OR2T4: variants seen among roughly 807,000 people sequenced by gnomAD.
The protein encoded by OR2T4 is olfactory receptor 2T4.
For synonymous variants in OR2T4, 149 were observed against 145.6 expected, an observed-to-expected ratio of 1.02 and a Z score of -0.17; for missense variants, 374 against 395.6, an observed-to-expected ratio of 0.95 and a Z score of 0.46.
rs368488217 is a variant in OR2T4, at chr1:248,362,601, C to T, written c.937C>T (p.Pro313Ser). Residue 313 changes from proline (P) to serine (S), a missense_variant, in exon 1 of 1, where the codon CCT becomes TCT. Coordinates refer to ENST00000366473, the MANE Select transcript of OR2T4 (RefSeq NM_001004696.2). ...TCTGAAGAAAATGTTAACAGTGGAA[C>T]CTGCCTTTCAAAAAGCTATGGAGTA... is the stretch of plus-strand genomic sequence containing the variant. The part of the protein sequence containing the change: ...GALKKMLTVE[P>S]AFQKAME 2.5e-6 allele frequency: 4 copies of T among 1,614,060 alleles called. No homozygotes were observed. Among genetic ancestry groups the T allele is most frequent in the Non-Finnish European group, 3.4e-6 (4 of 1,179,962 alleles).
At position 248,361,740 on chromosome 1, in the gene OR2T4, A is replaced by C; in HGVS notation, c.76A>C (p.Lys26Gln). Residue 26 changes from lysine to glutamine, a missense_variant, in exon 1 of 1, where the codon AAA (lysine) becomes CAA (glutamine). Lys to Gln is a moderately conservative substitution (Grantham distance 53). Coordinates refer to ENST00000366473, the MANE Select transcript of OR2T4 (RefSeq NM_001004696.2). Reference sequence around the variant, plus strand: ...CCTGTTGGGACTCTTCAGACAATCCAAACATCCAGCACTACTTTGTGTGGT... The same window carrying C: ...CCTGTTGGGACTCTTCAGACAATCCCAACATCCAGCACTACTTTGTGTGGT... ...FILLGLFRQS[K>Q]HPALLCVVIF... 8 of 1,597,162 alleles carry C rather than the reference A, an allele frequency of 5.0e-6. 1 individual carries two copies. The highest frequency in any genetic ancestry group is 6.8e-6 in the Non-Finnish European group (8 of 1,168,594).
Position 248,361,916 on chromosome 1 carries a change from G to C in OR2T4, c.252G>C (p.Lys84Asn). ...CGTACATTTCTGTCACTGTGCCCAAGATGCTCCTGGACCAGGTCATGGGTG... is the reference window on the plus strand; with the variant it reads ...CGTACATTTCTGTCACTGTGCCCAACATGCTCCTGGACCAGGTCATGGGTG... Reference protein sequence around the residue: ...DMAYISVTVPKMLLDQVMGVN... With the variant: ...DMAYISVTVPNMLLDQVMGVN... Residue 84 changes from lysine to asparagine, a missense_variant, in exon 1 of 1, where the codon AAG becomes AAC. By Grantham distance (94) the Lys-to-Asn change is moderately conservative. Coordinates refer to ENST00000366473, the MANE Select transcript of OR2T4 (RefSeq NM_001004696.2). 1.2e-6 allele frequency: 2 copies of C among 1,614,130 alleles called. No individual in the cohort carries two copies. The highest frequency in any genetic ancestry group is 1.7e-6 in the Non-Finnish European group (2 of 1,180,016).
At position 248,361,740 on chromosome 1, in the gene OR2T4, A is replaced by G; in HGVS notation, c.76A>G (p.Lys26Glu). ...CCTGTTGGGACTCTTCAGACAATCC[A>G]AACATCCAGCACTACTTTGTGTGGT... ...FILLGLFRQS[K>E]HPALLCVVIF... Residue 26 changes from lysine to glutamate, a missense_variant, in exon 1 of 1, where the codon AAA becomes GAA. By Grantham distance (56) the Lys-to-Glu change is moderately conservative. Coordinates refer to ENST00000366473, the MANE Select transcript of OR2T4 (RefSeq NM_001004696.2). The G allele has an allele frequency of 6.3e-7, 1 of 1,597,162 alleles. No homozygotes were observed. Among genetic ancestry groups the G allele is most frequent in the Non-Finnish European group, 8.6e-7 (1 of 1,168,594 alleles).
rs112941181 is a variant in OR2T4 at position 248,362,224 on chromosome 1, C to G, written c.560C>G (p.Ala187Gly). The G allele has an allele frequency of 1.2e-5, 20 of 1,614,080 alleles. No individual in the cohort carries two copies. Among genetic ancestry groups the G allele is most frequent in the African/African-American group, 5.3e-5 (4 of 74,922 alleles). The change falls in exon 1 of 1, where the codon GCT becomes GGT. Residue 187 changes from alanine (A) to glycine (G), a missense_variant. Physicochemically the swap from Ala to Gly is moderately conservative, Grantham distance 60. Coordinates refer to ENST00000366473, the MANE Select transcript of OR2T4 (RefSeq NM_001004696.2). Reference sequence around the variant, plus strand: ...CATCATTTCTTCTGTGAAGTTCCTGCTGTATTGAATCTCTCCTGCTCAGAC... The same window carrying G: ...CATCATTTCTTCTGTGAAGTTCCTGGTGTATTGAATCTCTCCTGCTCAGAC... ...EIHHFFCEVP[A>G]VLNLSCSDTS...
In OR2T4 at chr1:248,362,329, A is replaced by G. The variant is rs778086833; in HGVS notation, c.665A>G (p.Tyr222Cys). The change falls in exon 1 of 1, where the codon TAT becomes TGT. Residue 222 changes from tyrosine to cysteine, a missense_variant. Physicochemically the swap from Tyr to Cys is radical, Grantham distance 194. Coordinates refer to ENST00000366473, the MANE Select transcript of OR2T4 (RefSeq NM_001004696.2). Reference sequence around the variant, plus strand: ...CCTGTGGTGATCATTTCAAGCTCCTATTTACTCATCCTCCTCACCATCCAC... The same window carrying G: ...CCTGTGGTGATCATTTCAAGCTCCTGTTTACTCATCCTCCTCACCATCCAC... ...LIPVVIISSS[Y>C]LLILLTIHGM... 2.5e-6 allele frequency: 4 copies of G among 1,578,548 alleles called. No homozygotes were observed. The highest frequency in any genetic ancestry group is 2.9e-5 in the African/African-American group (2 of 68,704).
rs1660707087 is a variant in OR2T4, at chr1:248,362,075, T to G, written c.411T>G (p.Pro137=). 1.9e-6 allele frequency: 3 copies of G among 1,614,050 alleles called. 1 individual carries two copies. Among genetic ancestry groups the G allele is most frequent in the African/African-American group, 2.7e-5 (2 of 74,926 alleles). Residue 137 remains proline (P), a synonymous_variant, in exon 1 of 1, where the codon CCT becomes CCG. Coordinates refer to ENST00000366473, the MANE Select transcript of OR2T4 (RefSeq NM_001004696.2). ...YVAICHPLRY[P]VLMNHRVCLF... is the part of the protein sequence containing the mutation. The stretch of plus-strand genomic sequence containing the variant: ...CCATCTGCCATCCTCTCCGTTACCC[T>G]GTCCTCATGAACCATAGGGTGTGTC...
Position 248,362,068 on chromosome 1 carries a change from G to T in OR2T4, c.404G>T (p.Arg135Leu). Reference protein sequence around the residue: ...DRYVAICHPLRYPVLMNHRVC... With the variant: ...DRYVAICHPLLYPVLMNHRVC... The stretch of plus-strand genomic sequence containing the variant: ...TACGTGGCCATCTGCCATCCTCTCC[G>T]TTACCCTGTCCTCATGAACCATAGG... The change falls in exon 1 of 1, where the codon CGT (arginine) becomes CTT (leucine). Residue 135 changes from arginine (R) to leucine (L), a missense_variant. Transcript: ENST00000366473. The T allele has an allele frequency of 6.2e-7, 1 of 1,614,080 alleles. No individual in the cohort carries two copies. The highest frequency in any genetic ancestry group is 1.1e-5 in the South Asian group (1 of 91,066).
chr1:248,361,690 A>C lies in OR2T4; in HGVS notation c.26A>C (p.Asn9Thr). MANITWMA[N>T]HTGWSDFILL... ...ATGGCCAATATCACCTGGATGGCCA[A>C]CCACACTGGATGGTCGGATTTCATC... Residue 9 changes from asparagine to threonine, a missense_variant, in exon 1 of 1, where the codon AAC becomes ACC. Coordinates refer to ENST00000366473, the MANE Select transcript of OR2T4 (RefSeq NM_001004696.2). The C allele has an allele frequency of 8.0e-7, 1 of 1,248,830 alleles. No individual in the cohort carries two copies. The highest frequency in any genetic ancestry group is 1.1e-6 in the Non-Finnish European group (1 of 949,554). The allele number at this position is 1,248,830 out of a possible 1,614,324, so 77.4% of individuals were successfully genotyped here.
chr1:248,361,792 T>A lies in OR2T4; in HGVS notation c.128T>A (p.Leu43Ter). The change falls in exon 1 of 1, where the codon TTG becomes TAG. Residue 43 changes from leucine to a stop codon, truncating the protein, a stop_gained. Transcript: ENST00000366473. LOFTEE classifies it low-confidence loss of function (END_TRUNC). ...ATTTTTGTGGTTTTCCTGATGGCGT[T>A]GTCTGGAAATGCTGTCCTGATCCTT... ...VVIFVVFLMA[L>*]SGNAVLILLI... is the part of the protein sequence containing the mutation. The A allele has an allele frequency of 6.2e-7, 1 of 1,614,068 alleles. No homozygotes were observed. Among genetic ancestry groups the A allele is most frequent in the Non-Finnish European group, 8.5e-7 (1 of 1,179,988 alleles).
rs540150117 is a variant in OR2T4, at chr1:248,361,846, C to G, written c.182C>G (p.Thr61Ser). Residue 61 changes from threonine (T) to serine (S), a missense_variant, in exon 1 of 1, where the codon ACC (threonine) becomes AGC (serine). Transcript: ENST00000366473. ...LLIHCDAHLH[T>S]PMYFFISQLS... The stretch of plus-strand genomic sequence containing the variant: ...ATACACTGTGACGCCCACCTCCACA[C>G]CCCCATGTACTTTTTCATCAGTCAA... 1.3e-4 allele frequency: 207 copies of G among 1,614,054 alleles called. No homozygotes were observed. The highest frequency in any genetic ancestry group is 1.5e-4 in the Non-Finnish European group (180 of 1,179,952).
Position 248,362,392 on chromosome 1 carries a change from C to T in OR2T4, c.728C>T (p.Ala243Val), listed in dbSNP as rs1287516380. 3.1e-6 allele frequency: 5 copies of T among 1,613,960 alleles called. No homozygotes were observed. Among genetic ancestry groups the T allele is most frequent in the African/African-American group, 1.3e-5 (1 of 74,898 alleles). ...NSAEGRKKAF[A>V]TCSSHLTVVI... ...GCAGAGGGCCGGAAAAAGGCCTTTG[C>T]CACCTGCTCCTCCCACCTGACTGTG... The change falls in exon 1 of 1, where the codon GCC becomes GTC. Residue 243 changes from alanine to valine, a missense_variant. Physicochemically the swap from Ala to Val is moderately conservative, Grantham distance 64. Coordinates refer to ENST00000366473, the MANE Select transcript of OR2T4 (RefSeq NM_001004696.2).
At position 248,362,336 on chromosome 1, in the gene OR2T4, CA is replaced by C. The variant is rs34079073; in HGVS notation, c.673del (p.Ile225SerfsTer8). ...TGATCATTTCAAGCTCCTATTTACT[CA>C]TCCTCCTCACCATCCACGGGATGAA... ...VVIISSSYLL[I>X]LLTIHGMNSA... On this transcript the variant is annotated frameshift_variant, in exon 1 of 1. Coordinates refer to ENST00000366473, the MANE Select transcript of OR2T4 (RefSeq NM_001004696.2). LOFTEE classifies it low-confidence loss of function (END_TRUNC). The C allele has an allele frequency of 0.51, 815,573 of 1,613,746 alleles. 209,339 individuals are homozygous for C. The highest frequency in any genetic ancestry group is 0.53 in the Non-Finnish European group (629,220 of 1,179,872).
Position 248,362,543 on chromosome 1 carries a change from CTA to C in OR2T4, c.882_883del (p.Tyr294Ter), listed in dbSNP as rs1280338042. Reference protein sequence around the residue: ...ILTPVVNPLIYSLRNKDVMGA... With the variant: ...ILTPVVNPLIXSLRNKDVMGA... ...TCACTCCAGTGGTGAACCCTTTAAT[CTA>C]TAGTCTTAGGAATAAGGATGTCATG... On this transcript the variant is annotated frameshift_variant, in exon 1 of 1. Transcript: ENST00000366473. LOFTEE classifies it low-confidence loss of function (END_TRUNC). 6.2e-7 allele frequency: 1 copy of C among 1,614,140 alleles called. No individual in the cohort carries two copies. Among genetic ancestry groups the C allele is most frequent in the East Asian group, 2.2e-5 (1 of 44,868 alleles).
rs1270114925 is a variant in OR2T4 at position 248,362,566 on chromosome 1, T to C, written c.902T>C (p.Val301Ala). Residue 301 changes from valine (V) to alanine (A), a missense_variant, in exon 1 of 1, where the codon GTC becomes GCC. Val to Ala is a moderately conservative substitution (Grantham distance 64). Coordinates refer to ENST00000366473, the MANE Select transcript of OR2T4 (RefSeq NM_001004696.2). The part of the protein sequence containing the change: ...PLIYSLRNKD[V>A]MGALKKMLTV... ...ATCTATAGTCTTAGGAATAAGGATGTCATGGGGGCTCTGAAGAAAATGTTA... is the reference window on the plus strand; with the variant it reads ...ATCTATAGTCTTAGGAATAAGGATGCCATGGGGGCTCTGAAGAAAATGTTA... 1 of 1,614,074 alleles carries C rather than the reference T, an allele frequency of 6.2e-7. No individual in the cohort carries two copies. The highest frequency in any genetic ancestry group is 8.5e-7 in the Non-Finnish European group (1 of 1,180,036).
Position 248,361,786 on chromosome 1 carries a change from T to A in OR2T4, c.122T>A (p.Met41Lys), listed in dbSNP as rs150306037. 6.0e-5 allele frequency: 97 copies of A among 1,613,884 alleles called. No homozygotes were observed. Among genetic ancestry groups the A allele is most frequent in the Non-Finnish European group, 6.3e-5 (74 of 1,179,946 alleles). ...GTGGTCATTTTTGTGGTTTTCCTGA[T>A]GGCGTTGTCTGGAAATGCTGTCCTG... The part of the protein sequence containing the change: ...LCVVIFVVFL[M>K]ALSGNAVLIL... The change falls in exon 1 of 1, where the codon ATG (methionine) becomes AAG (lysine). Residue 41 changes from methionine (M) to lysine (K), a missense_variant. Transcript: ENST00000366473.
rs1660709357 is a variant in OR2T4, at chr1:248,362,178, T to C, written c.514T>C (p.Phe172Leu). 6 of 1,614,188 alleles carry C rather than the reference T, an allele frequency of 3.7e-6. No homozygotes were observed. The highest frequency in any genetic ancestry group is 5.1e-6 in the Non-Finnish European group (6 of 1,180,034). The change falls in exon 1 of 1, where the codon TTC becomes CTC. Residue 172 changes from phenylalanine to leucine, a missense_variant. Coordinates refer to ENST00000366473, the MANE Select transcript of OR2T4 (RefSeq NM_001004696.2). Reference protein sequence around the residue: ...TFTPITMTFPFRGSREIHHFF... With the variant: ...TFTPITMTFPLRGSREIHHFF... ...CACTCCCATCACCATGACCTTCCCC[T>C]TCCGTGGATCCCGGGAGATTCATCA...
In OR2T4 at chr1:248,362,447, C is replaced by T. The variant is rs1195396390; in HGVS notation, c.783C>T (p.Tyr261=). The change falls in exon 1 of 1, where the codon TAC becomes TAT. Residue 261 remains tyrosine (Y), a synonymous_variant. Transcript: ENST00000366473. ...VVILFYGAAI[Y]TYMLPSSYHT... ...TCCTCTTCTATGGGGCTGCCATCTA[C>T]ACCTACATGCTCCCCAGCTCCTACC... The T allele has an allele frequency of 1.4e-5, 22 of 1,614,012 alleles. No homozygotes were observed. Among genetic ancestry groups the T allele is most frequent in the Non-Finnish European group, 1.9e-5 (22 of 1,180,022 alleles).
In OR2T4 at chr1:248,362,606, C is replaced by G. The variant is rs755142764; in HGVS notation, c.942C>G (p.Ala314=). 10 of 1,613,962 alleles carry G rather than the reference C, an allele frequency of 6.2e-6. No homozygotes were observed. In the Admixed American group the frequency reaches 1.7e-4, roughly 27 times the overall value. The change falls in exon 1 of 1, where the codon GCC becomes GCG. Residue 314 remains alanine (A), a synonymous_variant. Transcript: ENST00000366473. ...ALKKMLTVEP[A]FQKAME Reference sequence around the variant, plus strand: ...AGAAAATGTTAACAGTGGAACCTGCCTTTCAAAAAGCTATGGAGTAGACCA... The same window carrying G: ...AGAAAATGTTAACAGTGGAACCTGCGTTTCAAAAAGCTATGGAGTAGACCA...
rs34261040 is a variant in OR2T4, at chr1:248,361,841, C to T, written c.177C>T (p.Leu59=). The T allele has an allele frequency of 1.9e-6, 3 of 1,614,140 alleles. No individual in the cohort carries two copies. The highest frequency in any genetic ancestry group is 2.2e-5 in the East Asian group (1 of 44,878). ...LILLIHCDAH[L]HTPMYFFISQ... ...TTCTGATACACTGTGACGCCCACCT[C>T]CACACCCCCATGTACTTTTTCATCA... Residue 59 remains leucine, a synonymous_variant, in exon 1 of 1, where the codon CTC becomes CTT. Coordinates refer to ENST00000366473, the MANE Select transcript of OR2T4 (RefSeq NM_001004696.2).
Sources: gnomAD v4.1 joint callset for allele counts on GRCh38, gnomAD v4.1.1 for gene constraint, MANE v1.5 for transcripts, NCBI Gene and HGNC (gene_info 2026-07-23, HGNC 2026-07-21) for gene names.